The following MCF2L2 variants were observed in gnomAD, a reference collection of about 807,000 sequenced individuals.
MCF2L2 encodes the protein probable guanine nucleotide exchange factor MCF2L2.
In MCF2L2, 102 loss-of-function variants were observed where a neutral mutation model predicts 150.2. The ratio of observed to expected loss-of-function variants is 0.68; its 90% CI spans 0.58 to 0.80. The LOEUF is 0.80. Ranked by LOEUF, MCF2L2 falls within the 30% of genes least tolerant of loss-of-function variation. The pLI is 0.00. For synonymous variants in MCF2L2, 465 were observed against 491.3 expected, an observed-to-expected ratio of 0.95 and a Z score of 0.71; for missense variants, 1,256 against 1,372.8, an observed-to-expected ratio of 0.91 and a Z score of 1.34.
At chr3:183,206,679 C>T (rs1203980060) in intron 23 of MCF2L2, among the ~76,000 whole-genome samples, 1 of 152,112 alleles carries the variant, frequency 6.6e-6, no homozygotes, top group Non-Finnish European at 1.5e-5. Flanking sequence ...CGAGACCAGC[C>T]TGACCAACAT....
In MCF2L2 at chr3:183,178,798, G is replaced by A. The variant is rs148741957; in HGVS notation, c.*582C>T. ...AACGAAGCAATCTTGGCACTAACAC[G>A]AACACCCCATGAACGCTCGCAGGGA... is the stretch of plus-strand genomic sequence containing the variant. On this transcript the variant is annotated 3_prime_UTR_variant, in exon 30 of 30. Transcript: ENST00000328913. 2.9e-3 allele frequency: 435 copies of A among 152,390 alleles called. 3 individuals are homozygous for A. Among genetic ancestry groups the A allele is most frequent in the African/African-American group, 1.0e-2 (415 of 41,582 alleles). 9.4% of individuals were successfully genotyped at this position (152,390 alleles called of 1,614,324 possible). A position where few individuals can be genotyped will look rare whatever the true frequency, so the allele number is the denominator to read the frequency against.
intron 14 of MCF2L2, chr3:183,287,808 A>T (rs188310376): frequency 6.6e-6 from 1 of 152,160 alleles, no homozygotes. Context: ...CCTCGTTCCC[A>T]CTCTGTTTCT....
chr3:183,417,922 C>A (rs1715684766), intron 1 of MCF2L2, among the ~76,000 whole-genome samples: 1 of 152,078 alleles, frequency 6.6e-6, no homozygotes, highest in African/African-American at 2.4e-5. Context: ...AATCTTGTGG[C>A]GGGGCCTGTA....
At chr3:183,258,045 G>A (rs768868053) in intron 15 of MCF2L2, among the ~76,000 whole-genome samples, 2 of 120,032 alleles carry the variant, frequency 1.7e-5, no homozygotes, top group African/African-American at 3.1e-5. Flanking sequence ...TCGGCTCACC[G>A]CAACCTCCGC....
chr3:183,283,179 A>T lies in MCF2L2; in HGVS notation c.1776+5941T>A, dbSNP rs558676727. On this transcript the variant is annotated intron_variant, in intron 14 of 29. Coordinates refer to ENST00000328913, the MANE Select transcript of MCF2L2 (RefSeq NM_015078.4). This position sits in a 1 kb window ranked among gnomAD's most constrained non-coding sequence, Gnocchi z 4.2. Reference sequence around the variant, plus strand: ...AGCCACTAGGGAGAACGTTTCAGTCAATGGGTATGATTTCTGCTCACCTCT... The same window carrying T: ...AGCCACTAGGGAGAACGTTTCAGTCTATGGGTATGATTTCTGCTCACCTCT... Among the ~76,000 whole-genome samples, 6 of 152,264 alleles carry T rather than the reference A, an allele frequency of 3.9e-5. No individual in the cohort carries two copies. The highest frequency in any genetic ancestry group is 1.4e-4 in the African/African-American group (6 of 41,546).
chr3:183,395,917 C>CAAAAAAAAAAAAAA (rs11338932), intron 1 of MCF2L2, among the ~76,000 whole-genome samples: 1 of 58,100 alleles, frequency 1.7e-5, no homozygotes, highest in African/African-American at 7.1e-5. Flanking sequence ...GACATCGTCT[C>CAAAAAAAAAAAAAA]AAAAAAAAAA....
chr3:183,422,177 T>C (rs1715918038), intron 1 of MCF2L2, among the ~76,000 whole-genome samples: 1 of 152,242 alleles, frequency 6.6e-6, no homozygotes, highest in South Asian at 2.1e-4. Flanking sequence ...GAGGACTCTC[T>C]GATAAACAAG....
At chr3:183,228,026 T>TACACACAC (rs144915150) in intron 18 of MCF2L2, 15 of 140,256 alleles carry the variant, frequency 1.1e-4, no homozygotes, top group African/African-American at 2.0e-4. Context: ...TATATATACA[T>TACACACAC]ATACACACAC....
intron 1 of MCF2L2, among the ~76,000 whole-genome samples, chr3:183,404,278 A>G (rs1460036587): frequency 1.1e-4 from 17 of 152,206 alleles, no homozygotes; most frequent in South Asian, 6.2e-4. Context: ...TCTATCAAAC[A>G]AGCAAAAATT....
chr3:183,217,294 CAAAAA>C (rs35973262), intron 21 of MCF2L2, among the ~76,000 whole-genome samples: 3 of 15,182 alleles, frequency 2.0e-4, no homozygotes, highest in South Asian at 3.7e-3. Flanking sequence ...AACCCCGTCT[CAAAAA>C]AAAAAAAAAA....
intron 1 of MCF2L2, among the ~76,000 whole-genome samples, chr3:183,420,124 C>CAA (rs1257279054): frequency 2.6e-5 from 4 of 152,224 alleles, no homozygotes; most frequent in Admixed American, 2.6e-4. Context: ...AACCATTCAA[C>CAA]AAGTCTCTAG....
At chr3:183,400,981 G>T (rs1298246473) in intron 1 of MCF2L2, among the ~76,000 whole-genome samples, 1 of 152,144 alleles carries the variant, frequency 6.6e-6, no homozygotes, top group Non-Finnish European at 1.5e-5. Flanking sequence ...ATCTGAGCAG[G>T]CACCTTAAAT....
chr3:183,400,211 T>A (rs570138955), intron 1 of MCF2L2: 14 of 310,084 alleles, frequency 4.5e-5, no homozygotes, highest in Non-Finnish European at 8.3e-5. Flanking sequence ...ATTTTAAAAC[T>A]TCTTCACAAA....
intron 2 of MCF2L2, among the ~76,000 whole-genome samples, chr3:183,381,253 G>A (rs768642781): frequency 3.9e-5 from 6 of 152,300 alleles, no homozygotes; most frequent in Non-Finnish European, 7.3e-5. Context: ...GGTTAGTGGG[G>A]ACTGTGTGAT....
chr3:183,346,575 A>G (rs758060967), intron 3 of MCF2L2, among the ~76,000 whole-genome samples: 7 of 152,314 alleles, frequency 4.6e-5, no homozygotes, highest in Non-Finnish European at 1.0e-4. Context: ...ATGAGGCAAG[A>G]GAATGAAATA....
intron 2 of MCF2L2, among the ~76,000 whole-genome samples, chr3:183,386,409 G>A (rs575260709): frequency 2.0e-5 from 3 of 152,314 alleles, no homozygotes; most frequent in South Asian, 2.1e-4. Flanking sequence ...CACAGGCTTC[G>A]CATCCAGAGG....
chr3:183,344,551 G>A (rs1730825224), intron 3 of MCF2L2, among the ~76,000 whole-genome samples: 1 of 152,158 alleles, frequency 6.6e-6, no homozygotes, highest in African/African-American at 2.4e-5. Flanking sequence ...GCATCAGAAT[G>A]ACAGGATCAA....
At chr3:183,333,969 A>G (rs1414745368) in intron 5 of MCF2L2, among the ~76,000 whole-genome samples, 1 of 151,834 alleles carries the variant, frequency 6.6e-6, no homozygotes, top group Non-Finnish European at 1.5e-5. Flanking sequence ...GCCAAAAAAA[A>G]AAAAAAAAAA....
chr3:183,326,936 G>C (rs941804292), intron 5 of MCF2L2, among the ~76,000 whole-genome samples: 3 of 152,086 alleles, frequency 2.0e-5, no homozygotes, highest in African/African-American at 7.2e-5. Context: ...TTAAACAAAT[G>C]GTGCTGAAAC....
Sources: gnomAD v4.1 joint callset for allele counts (sites outside exome capture counted in the v4.1 genomes callset) on GRCh38, gnomAD v4.1.1 for gene constraint, Gnocchi (gnomAD v3.1) non-coding constraint, MANE v1.5 for transcripts, NCBI Gene and HGNC (gene_info 2026-07-23, HGNC 2026-07-21) for gene names.